ST8SIA1: variants seen among roughly 807,000 people sequenced by gnomAD.
ST8SIA1 encodes the protein alpha-N-acetylneuraminide alpha-2,8-sialyltransferase.
Under a neutral mutation model 35.9 loss-of-function variants are expected in ST8SIA1, and 16 were observed. That is an observed-to-expected ratio of 0.45 (90% confidence interval 0.30 to 0.68). The LOEUF is 0.68. Among genes scored for constraint, ST8SIA1 ranks in the 30% least tolerant of loss-of-function variants. The pLI, the probability that ST8SIA1 is intolerant of heterozygous loss-of-function variation, is 0.09. For missense variants in ST8SIA1, 383 were observed against 453.6 expected (o/e 0.84, Z 1.41); for synonymous variants, 170 against 169.6 (o/e 1.00, Z -0.02).
chr12:22,211,662 T>C (rs753356981), intron 4 of ST8SIA1, among the ~76,000 whole-genome samples: 2 of 152,214 alleles, frequency 1.3e-5, no homozygotes, highest in Non-Finnish European at 2.9e-5. Flanking sequence ...TTAGGGTCTT[T>C]AGTAATCCTA....
chr12:22,246,162 G>A (rs1295447425), intron 4 of ST8SIA1, among the ~76,000 whole-genome samples: 3 of 152,172 alleles, frequency 2.0e-5, no homozygotes, highest in Admixed American at 2.0e-4. Flanking sequence ...TGTGACTGGT[G>A]GGGGTGGGGG....
chr12:22,208,897 T>G (rs1359886330), intron 4 of ST8SIA1, among the ~76,000 whole-genome samples: 1 of 152,134 alleles, frequency 6.6e-6, no homozygotes, highest in African/African-American at 2.4e-5. Flanking sequence ...ATTCCATACA[T>G]TGTACTGGGT....
intron 1 of ST8SIA1, among the ~76,000 whole-genome samples, chr12:22,287,630 G>A (rs1866117768): frequency 1.3e-5 from 2 of 152,094 alleles, no homozygotes. Flanking sequence ...GTCCAGAAAA[G>A]ACTTGGATAG....
chr12:22,219,972 A>G (rs1462523603), intron 4 of ST8SIA1, among the ~76,000 whole-genome samples: 2 of 152,226 alleles, frequency 1.3e-5, no homozygotes, highest in South Asian at 2.1e-4. Context: ...CCAGAGTATC[A>G]TAACACTCTA....
chr12:22,310,164 G>C (rs531647076), intron 1 of ST8SIA1, among the ~76,000 whole-genome samples: 133 of 152,238 alleles, frequency 8.7e-4, no homozygotes, highest in Non-Finnish European at 1.6e-3. Flanking sequence ...CAAATGAAAG[G>C]CTTATAAATA....
chr12:22,212,693 G>C (rs1474618240), intron 4 of ST8SIA1, among the ~76,000 whole-genome samples: 3 of 152,160 alleles, frequency 2.0e-5, no homozygotes, highest in African/African-American at 7.2e-5. Flanking sequence ...CACAGGTTAA[G>C]CTAACTATAG....
In ST8SIA1 at chr12:22,200,672, C is replaced by T. The variant is rs1248355197; in HGVS notation, c.*880G>A. On this transcript the variant is annotated 3_prime_UTR_variant, in exon 5 of 5. Transcript: ENST00000396037. ...CTAAGCTTTTCATCAACGTGCTTTA[C>T]TGCATTTCTGAACATTAAATTATGA... 1 of 152,154 alleles carries T rather than the reference C, an allele frequency of 6.6e-6. No homozygotes were observed. The highest frequency in any genetic ancestry group is 2.4e-5 in the African/African-American group (1 of 41,446). 9.4% of individuals were successfully genotyped at this position (152,154 alleles called of 1,614,324 possible). A position where few individuals can be genotyped will look rare whatever the true frequency, so the allele number is the denominator to read the frequency against.
At chr12:22,296,276 G>T (rs770759541) in intron 1 of ST8SIA1, among the ~76,000 whole-genome samples, 2 of 152,140 alleles carry the variant, frequency 1.3e-5, no homozygotes, top group African/African-American at 2.4e-5. Context: ...AGAAGAATCT[G>T]CCCTCCCTTA....
chr12:22,255,168 G>C, intron 3 of ST8SIA1, 112 bp downstream of exon 3: 1 of 832,522 alleles, frequency 1.2e-6, no homozygotes. Context: ...GCTAAGGAGC[G>C]TGCTACAACT....
intron 1 of ST8SIA1, among the ~76,000 whole-genome samples, chr12:22,307,540 G>T (rs961675859): frequency 4.6e-5 from 7 of 152,134 alleles, no homozygotes; most frequent in Admixed American, 4.6e-4. Context: ...TTGCACCTGT[G>T]GGTAGGGGGA....
intron 2 of ST8SIA1, among the ~76,000 whole-genome samples, chr12:22,260,181 A>G (rs1246699511): frequency 6.7e-6 from 1 of 149,064 alleles, no homozygotes; most frequent in East Asian, 2.0e-4. Flanking sequence ...TTTTTTTTAG[A>G]AAGGGTCTAG....
chr12:22,255,340 C>T lies in ST8SIA1; in HGVS notation c.431G>A (p.Gly144Asp). Residue 144 changes from glycine to aspartate, a missense_variant, in exon 3 of 5, where the codon GGT becomes GAT. By Grantham distance (94) the Gly-to-Asp change is moderately conservative (BLOSUM62 -1). Transcript: ENST00000396037. ...PLKKCAVVGN[G>D]GILKKSGCGR... ...ACAGCCACTCTTCTTCAGAATCCCA[C>T]CATTTCCCACCACCGCGCATTTCTT... 1 of 1,614,166 alleles carries T rather than the reference C, an allele frequency of 6.2e-7. No homozygotes were observed. Among genetic ancestry groups the T allele is most frequent in the South Asian group, 1.1e-5 (1 of 91,080 alleles).
chr12:22,325,309 A>C, intron 1 of ST8SIA1: 1 of 619,590 alleles, frequency 1.6e-6, no homozygotes, highest in Non-Finnish European at 2.9e-6. Context: ...CATTGTGGTC[A>C]CCTGGAAATC....
chr12:22,272,575 C>T (rs945318103), intron 2 of ST8SIA1, among the ~76,000 whole-genome samples: 3 of 152,138 alleles, frequency 2.0e-5, no homozygotes, highest in Non-Finnish European at 4.4e-5. Flanking sequence ...AGCAGCTGGG[C>T]CAAGATAAAT....
At chr12:22,280,563 T>A (rs1450796443) in intron 2 of ST8SIA1, among the ~76,000 whole-genome samples, 2 of 152,238 alleles carry the variant, frequency 1.3e-5, no homozygotes, top group Non-Finnish European at 2.9e-5. Context: ...TTTAGAAAGA[T>A]CTACACCATG....
chr12:22,306,659 G>C (rs1265325455), intron 1 of ST8SIA1, among the ~76,000 whole-genome samples: 1 of 152,110 alleles, frequency 6.6e-6, no homozygotes, highest in African/African-American at 2.4e-5. Context: ...TAAGGATTCT[G>C]AAATGTCACT....
chr12:22,231,453 C>T (rs1865419313), intron 4 of ST8SIA1, among the ~76,000 whole-genome samples: 1 of 151,802 alleles, frequency 6.6e-6, no homozygotes, highest in Non-Finnish European at 1.5e-5. Context: ...AGTAGAAAAA[C>T]CAGCCCATGT....
chr12:22,205,793 C>G (rs1164024832), intron 4 of ST8SIA1, among the ~76,000 whole-genome samples: 1 of 151,750 alleles, frequency 6.6e-6, no homozygotes. Flanking sequence ...AAATCATGAA[C>G]TTATCAGACA....
intron 2 of ST8SIA1, among the ~76,000 whole-genome samples, chr12:22,286,747 GAAGC>G (rs1866105583): frequency 6.6e-6 from 1 of 152,090 alleles, no homozygotes; most frequent in Non-Finnish European, 1.5e-5. Flanking sequence ...AGAGCTCTAA[GAAGC>G]AAACTTCTCA....
Sources: gnomAD v4.1 joint callset for allele counts (sites outside exome capture counted in the v4.1 genomes callset) on GRCh38, gnomAD v4.1.1 for gene constraint, MANE v1.5 for transcripts, NCBI Gene and HGNC (gene_info 2026-07-23, HGNC 2026-07-21) for gene names.